Variants in GRM8 observed in about 807,000 individuals in gnomAD.
GRM8 encodes the protein glutamate metabotropic receptor 8.
A neutral mutation model predicts 87.2 loss-of-function variants in GRM8; 47 were observed. The observed-to-expected ratio is 0.54, with a 90% CI of 0.43 to 0.69. The LOEUF is 0.69. Among genes scored for constraint, GRM8 ranks in the 30% least tolerant of loss-of-function variants. The pLI, the probability that GRM8 is intolerant of heterozygous loss-of-function variation, is 0.00. For missense variants in GRM8, 1,019 were observed against 1,139.2 expected (o/e 0.89, Z 1.52); for synonymous variants, 396 against 404.5 (o/e 0.98, Z 0.25).
At chr7:126,864,704 G>A (rs1798445349) in intron 6 of GRM8, among the ~76,000 whole-genome samples, 1 of 151,960 alleles carries the variant, frequency 6.6e-6, no homozygotes, top group African/African-American at 2.4e-5. Context: ...ATTATTTGCT[G>A]ATTCTACTTC....
chr7:127,087,805 A>T (rs905344628), intron 3 of GRM8, among the ~76,000 whole-genome samples: 7 of 152,206 alleles, frequency 4.6e-5, no homozygotes, highest in South Asian at 2.1e-4. Context: ...CTAAAAATTT[A>T]AAATTTTAAA....
intron 3 of GRM8, among the ~76,000 whole-genome samples, chr7:127,023,225 G>T (rs1339390696): frequency 6.6e-6 from 1 of 151,836 alleles, no homozygotes; most frequent in Non-Finnish European, 1.5e-5. Flanking sequence ...ATAAAACGTT[G>T]TTTATTCATC....
At chr7:126,855,984 T>C (rs1797644662) in intron 6 of GRM8, among the ~76,000 whole-genome samples, 1 of 152,132 alleles carries the variant, frequency 6.6e-6, no homozygotes. Context: ...AGATGCTGGA[T>C]TGTGAGAATG....
chr7:127,161,966 A>G (rs190994317), intron 2 of GRM8, among the ~76,000 whole-genome samples: 69 of 152,286 alleles, frequency 4.5e-4, no homozygotes, highest in Middle Eastern at 3.4e-3. Flanking sequence ...TCCTCATCAC[A>G]TCAACTGCAA....
intron 8 of GRM8, among the ~76,000 whole-genome samples, chr7:126,570,992 C>T (rs780649897): frequency 3.9e-5 from 6 of 152,170 alleles, no homozygotes; most frequent in Non-Finnish European, 5.9e-5. Context: ...AACCAACAGG[C>T]AACTACCCTC....
At chr7:126,728,052 T>G (rs1179273183) in intron 7 of GRM8, among the ~76,000 whole-genome samples, 1 of 152,150 alleles carries the variant, frequency 6.6e-6, no homozygotes, top group Non-Finnish European at 1.5e-5. Flanking sequence ...GAACCTCATT[T>G]TAAGAAATGC....
chr7:126,861,292 T>C (rs1024624181), intron 6 of GRM8, among the ~76,000 whole-genome samples: 3 of 152,164 alleles, frequency 2.0e-5, no homozygotes, highest in Admixed American at 6.5e-5. Flanking sequence ...CATGAAGATA[T>C]AGTGCATTTA....
rs562694051 is a variant in GRM8, at chr7:126,812,625, G to T, written c.1157-42560C>A. Among the ~76,000 whole-genome samples, 185 of 152,088 alleles carry T rather than the reference G, an allele frequency of 1.2e-3. 1 individual carries two copies. Among genetic ancestry groups the T allele is most frequent in the African/African-American group, 4.4e-3 (181 of 41,532 alleles). On this transcript the variant is annotated intron_variant, in intron 6 of 10. Coordinates refer to ENST00000339582, the MANE Select transcript of GRM8 (RefSeq NM_000845.3). ...ATATTACATTTTATATAGGAAAGTT[G>T]AGTGTACTTGAATTTTGGTATCTGT...
At chr7:126,469,454 C>G (rs1394655835) in intron 9 of GRM8, among the ~76,000 whole-genome samples, 1 of 152,078 alleles carries the variant, frequency 6.6e-6, no homozygotes, top group East Asian at 1.9e-4. Flanking sequence ...ATGTCCCCAC[C>G]CAAATATCAT....
intron 9 of GRM8, among the ~76,000 whole-genome samples, chr7:126,499,629 T>C (rs574116381): frequency 1.3e-5 from 2 of 152,072 alleles, no homozygotes; most frequent in South Asian, 4.1e-4. Context: ...GTCTGTTATT[T>C]GTGACAACAT....
At chr7:126,633,046 TA>T (rs1344784877) in intron 7 of GRM8, among the ~76,000 whole-genome samples, 2 of 152,076 alleles carry the variant, frequency 1.3e-5, no homozygotes, top group African/African-American at 4.8e-5. Flanking sequence ...AAAAATACAT[TA>T]AAAATATTTG....
intron 9 of GRM8, chr7:126,512,094 G>T (rs1198217790): frequency 1.3e-5 from 2 of 152,046 alleles, no homozygotes; most frequent in South Asian, 4.1e-4. Flanking sequence ...TTGGAGGAGA[G>T]AAACATAGCA....
chr7:126,486,156 G>C (rs1004129845), intron 9 of GRM8, among the ~76,000 whole-genome samples: 1 of 151,980 alleles, frequency 6.6e-6, no homozygotes, highest in Non-Finnish European at 1.5e-5. Context: ...GATTGACTAA[G>C]AGACTAATTT....
chr7:127,013,127 C>A (rs776340673), intron 3 of GRM8, among the ~76,000 whole-genome samples: 34 of 152,112 alleles, frequency 2.2e-4, no homozygotes, highest in African/African-American at 8.0e-4. Context: ...ACCTGATACC[C>A]AAAGTTACCC....
Position 126,974,900 on chromosome 7 carries a change from C to A in GRM8, c.728-70217G>T, listed in dbSNP as rs1006605622. Reference sequence around the variant, plus strand: ...GCAGTGAGCCAAAATCGCGCCACTGCGCTCCAGCCTGGGTGACAGAGCGAG... The same window carrying A: ...GCAGTGAGCCAAAATCGCGCCACTGAGCTCCAGCCTGGGTGACAGAGCGAG... On this transcript the variant is annotated intron_variant, in intron 3 of 10. Transcript: ENST00000339582. 1.1e-4 allele frequency among the ~76,000 whole-genome samples: 16 copies of A among 140,650 alleles called. 1 individual carries two copies. The highest frequency in any genetic ancestry group is 2.0e-4 in the Non-Finnish European group (13 of 66,500). The allele number at this position is 140,650 out of a possible 152,430, so 92.3% of individuals were successfully genotyped here.
intron 7 of GRM8, among the ~76,000 whole-genome samples, chr7:126,672,473 T>C (rs1423770343): frequency 6.6e-6 from 1 of 152,242 alleles, no homozygotes; most frequent in East Asian, 1.9e-4. Context: ...AAAAGGCACC[T>C]TCTCTTTTCT....
intron 2 of GRM8, among the ~76,000 whole-genome samples, chr7:127,148,085 T>C (rs1828647539): frequency 1.3e-5 from 2 of 152,164 alleles, no homozygotes; most frequent in South Asian, 4.2e-4. Flanking sequence ...CCTCCAGTGA[T>C]TTGTAGACAT....
At position 127,103,967 on chromosome 7, in the gene GRM8, C is replaced by T. The variant is rs1393460145; in HGVS notation, c.727+2529G>A. Among the ~76,000 whole-genome samples, 3 of 152,190 alleles carry T rather than the reference C, an allele frequency of 2.0e-5. No individual in the cohort carries two copies. In the East Asian group the frequency reaches 5.8e-4, roughly 29 times the overall value. ...CATTCTCCCAGATTCGCAAAGGACA[C>T]TTTCCCAAGTCTGATTTTTTTAAAA... On this transcript the variant is annotated intron_variant, in intron 3 of 10. Transcript: ENST00000339582.
At chr7:126,859,848 A>G (rs1440008651) in intron 6 of GRM8, among the ~76,000 whole-genome samples, 2 of 152,162 alleles carry the variant, frequency 1.3e-5, no homozygotes, top group Non-Finnish European at 2.9e-5. Flanking sequence ...TCCTAAAGCA[A>G]TTTGAACTTC....
Sources: allele counts gnomAD v4.1 joint callset (sites outside exome capture counted in the v4.1 genomes callset), GRCh38; gene constraint gnomAD v4.1.1; transcripts MANE v1.5; gene names NCBI Gene and HGNC (gene_info 2026-07-23, HGNC 2026-07-21).